Variants in CNTNAP2 observed in about 807,000 individuals in gnomAD.
CNTNAP2 encodes the protein contactin associated protein 2.
A neutral mutation model predicts 155.2 loss-of-function variants in CNTNAP2; 98 were observed. That is an observed-to-expected ratio of 0.63 (90% CI 0.54 to 0.75). The LOEUF (loss-of-function observed/expected upper bound fraction) is 0.75, where lower values mean the gene tolerates loss of function less well. Ranked by LOEUF, CNTNAP2 falls within the 30% of genes least tolerant of loss-of-function variation. The pLI, the probability that CNTNAP2 is intolerant of heterozygous loss-of-function variation, is 0.00. For missense variants in CNTNAP2, 1,727 were observed against 1,688.1 expected (o/e 1.02, Z -0.40); for synonymous variants, 651 against 631.2 (o/e 1.03, Z -0.47).
chr7:147,007,844 C>CAA (rs200826381), intron 3 of CNTNAP2, among the ~76,000 whole-genome samples: 2 of 151,328 alleles, frequency 1.3e-5, no homozygotes, highest in African/African-American at 4.8e-5. Flanking sequence ...AAGTAAATTA[C>CAA]AAAAAAAATA....
chr7:147,065,933 A>G (rs1419986043), intron 4 of CNTNAP2, among the ~76,000 whole-genome samples: 1 of 152,182 alleles, frequency 6.6e-6, no homozygotes, highest in Non-Finnish European at 1.5e-5. Context: ...TGATTTTCTC[A>G]TGAAGTTGAC....
At chr7:147,415,946 G>T (rs1797186811) in intron 10 of CNTNAP2, among the ~76,000 whole-genome samples, 1 of 152,132 alleles carries the variant, frequency 6.6e-6, no homozygotes, top group Non-Finnish European at 1.5e-5. Flanking sequence ...GAGCTTTAAA[G>T]GTATGCATTC....
In CNTNAP2 at chr7:146,278,315, T is replaced by G. The variant is rs538578782; in HGVS notation, c.97+161342T>G. On this transcript the variant is annotated intron_variant, in intron 1 of 23. Transcript: ENST00000361727. The stretch of plus-strand genomic sequence containing the variant: ...TAAACATTTGAAATTCTGAGTGTCT[T>G]GAAATATAGGGAAACAAAGGTCTCT... 2.0e-3 allele frequency among the ~76,000 whole-genome samples: 309 copies of G among 152,312 alleles called. 3 individuals carry two copies. Among genetic ancestry groups the G allele is most frequent in the African/African-American group, 7.0e-3 (290 of 41,560 alleles).
At chr7:147,935,105 T>A (rs1249701444) in intron 14 of CNTNAP2, among the ~76,000 whole-genome samples, 1 of 152,022 alleles carries the variant, frequency 6.6e-6, no homozygotes, top group East Asian at 1.9e-4. Context: ...TTTTTTTTTT[T>A]AATTTAAAAG....
intron 13 of CNTNAP2, among the ~76,000 whole-genome samples, chr7:147,793,197 AATTT>A (rs1363772732): frequency 6.6e-6 from 1 of 152,046 alleles, no homozygotes; most frequent in Non-Finnish European, 1.5e-5. Flanking sequence ...GATAATATTC[AATTT>A]ATTTATTTTC....
chr7:146,666,757 G>C (rs948298610), intron 1 of CNTNAP2, among the ~76,000 whole-genome samples: 1 of 152,124 alleles, frequency 6.6e-6, no homozygotes, highest in Non-Finnish European at 1.5e-5. Context: ...TAGTGGTGTT[G>C]AGCATTTTTC....
intron 3 of CNTNAP2, among the ~76,000 whole-genome samples, chr7:146,927,607 T>C (rs184317179): frequency 1.3e-5 from 2 of 148,440 alleles, no homozygotes; most frequent in Non-Finnish European, 2.9e-5. Flanking sequence ...CCTGGAATAA[T>C]AGCATGCATG....
intron 13 of CNTNAP2, among the ~76,000 whole-genome samples, chr7:147,764,799 T>C (rs1797359472): frequency 1.3e-5 from 2 of 152,166 alleles, no homozygotes; most frequent in Admixed American, 1.3e-4. Flanking sequence ...TTTTTAAAAA[T>C]CAGAAGTCAT....
intron 16 of CNTNAP2, among the ~76,000 whole-genome samples, chr7:148,139,106 C>T (rs1458169302): frequency 6.6e-6 from 1 of 152,098 alleles, no homozygotes; most frequent in Non-Finnish European, 1.5e-5. Flanking sequence ...AGAAATACTT[C>T]TTATACTCAA....
intron 3 of CNTNAP2, among the ~76,000 whole-genome samples, chr7:146,935,944 T>A (rs747879836): frequency 6.6e-6 from 1 of 152,232 alleles, no homozygotes; most frequent in Non-Finnish European, 1.5e-5. Flanking sequence ...GTCTCCCTGG[T>A]GTGCTGTATG....
chr7:146,667,634 C>G (rs1361111119), intron 1 of CNTNAP2, among the ~76,000 whole-genome samples: 1 of 151,894 alleles, frequency 6.6e-6, no homozygotes, highest in East Asian at 1.9e-4. Context: ...CATTTGTATC[C>G]TCTTCAGTTT....
intron 18 of CNTNAP2, among the ~76,000 whole-genome samples, chr7:148,196,763 G>C (rs4613897): frequency 0.3 from 45,008 of 152,116 alleles, 6,807 homozygotes; most frequent in Middle Eastern, 0.36. Context: ...CCACTGACTT[G>C]TAACTGTTCC....
chr7:146,597,507 A>G (rs1227504508), intron 1 of CNTNAP2, among the ~76,000 whole-genome samples: 1 of 152,138 alleles, frequency 6.6e-6, no homozygotes, highest in Non-Finnish European at 1.5e-5. Flanking sequence ...AGTTTTATAT[A>G]TAGAAGTATA....
chr7:147,753,714 T>C (rs1205592740), intron 13 of CNTNAP2, among the ~76,000 whole-genome samples: 1 of 152,118 alleles, frequency 6.6e-6, no homozygotes, highest in Non-Finnish European at 1.5e-5. Flanking sequence ...GCAAAAGAGA[T>C]GAAGGTCGCA....
In CNTNAP2 at chr7:147,615,101, A is replaced by AG. The variant is rs1434045475; in HGVS notation, c.1898-24005_1898-24004insG. Among the ~76,000 whole-genome samples the AG allele has an allele frequency of 4.4e-4, 66 of 149,690 alleles. 1 individual carries two copies. The highest frequency in any genetic ancestry group is 1.5e-3 in the African/African-American group (62 of 40,954). ...GACACCCATCTTTATCAAAAAAAAA[A>AG]AAAAGAAAAGAAAAAAGCCTGATTT... is the stretch of plus-strand genomic sequence containing the variant. On this transcript the variant is annotated intron_variant, in intron 12 of 23. Transcript: ENST00000361727.
chr7:147,144,902 A>G (rs574370147), intron 8 of CNTNAP2, among the ~76,000 whole-genome samples: 119 of 152,308 alleles, frequency 7.8e-4, no homozygotes, highest in African/African-American at 2.7e-3. Flanking sequence ...GAGTACATGC[A>G]TGCTTTTTAA....
intron 1 of CNTNAP2, among the ~76,000 whole-genome samples, chr7:146,157,776 C>A (rs1297910071): frequency 6.6e-6 from 1 of 152,162 alleles, no homozygotes; most frequent in Non-Finnish European, 1.5e-5. Context: ...ATCAAGGAGG[C>A]CTGCCTGCCT....
chr7:147,402,539 G>A (rs1297197130), intron 10 of CNTNAP2, among the ~76,000 whole-genome samples: 1 of 152,096 alleles, frequency 6.6e-6, no homozygotes, highest in Non-Finnish European at 1.5e-5. Context: ...CCTCAGTTCT[G>A]GGTAAATTAG....
chr7:147,704,730 A>C (rs1040437693), intron 13 of CNTNAP2, among the ~76,000 whole-genome samples: 2 of 151,534 alleles, frequency 1.3e-5, no homozygotes, highest in Non-Finnish European at 2.9e-5. Context: ...CTGTTGGGAG[A>C]CTTTTTTTAC....
Sources: allele counts gnomAD v4.1 joint callset (sites outside exome capture counted in the v4.1 genomes callset), GRCh38; gene constraint gnomAD v4.1.1; transcripts MANE v1.5; gene names NCBI Gene and HGNC (gene_info 2026-07-23, HGNC 2026-07-21).